The following RYR1 variants were observed in gnomAD, a reference collection of about 807,000 sequenced individuals.
RYR1 encodes the protein central core disease of muscle.
RYR1 carries 342 observed loss-of-function variants against 583.5 expected under a neutral mutation model. The observed-to-expected ratio is 0.59, with a 90% CI of 0.54 to 0.64. The LOEUF (loss-of-function observed/expected upper bound fraction) is 0.64, where lower values mean the gene tolerates loss of function less well. Among genes scored for constraint, RYR1 ranks in the 30% least tolerant of loss-of-function variants. The pLI, the probability that RYR1 is intolerant of heterozygous loss-of-function variation, is 0.00. For synonymous variants in RYR1, 2,791 were observed against 2,822.5 expected (o/e 0.99, Z 0.35); for missense variants, 6,032 against 6,917.2 (o/e 0.87, Z 4.54).
At chr19:38,536,097 C>T in intron 82 of RYR1, 27 bp downstream of exon 82, 1 of 1,590,898 alleles carries the variant, frequency 6.3e-7, no homozygotes, top group Non-Finnish European at 8.6e-7. Context: ...GGCTTCCCAC[C>T]CCCTGAGACA....
Position 38,575,943 on chromosome 19 carries a change from C to G in RYR1, c.14154C>G (p.Asp4718Glu). Residue 4718 changes from aspartate to glutamate, a missense_variant, in exon 97 of 106, where the codon GAC becomes GAG. Physicochemically the swap from Asp to Glu is conservative, Grantham distance 45. Around this residue, in one of 11 missense-constraint regions of RYR1, gnomAD observed 188 missense variants for 215.6 expected, o/e 0.87. Coordinates refer to ENST00000359596, the MANE Select transcript of RYR1 (RefSeq NM_000540.3). ...NTPSFPSNYW[D>E]KFVKRKVLDK... ...GGTCTTTCCCTAGCAACTACTGGGA[C>G]AAGTTTGTCAAGCGCAAGGTGAGAG... 1.2e-6 allele frequency: 2 copies of G among 1,614,214 alleles called. No individual in the cohort carries two copies. Among genetic ancestry groups the G allele is most frequent in the East Asian group, 4.5e-5 (2 of 44,892 alleles).
intron 56 of RYR1, 131 bp from the exon 57 acceptor site, chr19:38,506,698 C>A: frequency 6.7e-7 from 1 of 1,502,594 alleles, no homozygotes; most frequent in Non-Finnish European, 9.1e-7. Context: ...TGAGCACCAG[C>A]AAGCAATGTT....
At chr19:38,476,629 G>A (rs1033050672) in intron 29 of RYR1, among the ~76,000 whole-genome samples, 6 of 152,088 alleles carry the variant, frequency 3.9e-5, no homozygotes, top group Admixed American at 2.0e-4. Context: ...CACCGCGTTC[G>A]GCTGTAGATT....
rs1419853770 is a variant in RYR1 at position 38,455,543 on chromosome 19, T to A, written c.1669T>A (p.Ser557Thr). 1.2e-5 allele frequency: 20 copies of A among 1,613,920 alleles called. No individual in the cohort carries two copies. The highest frequency in any genetic ancestry group is 1.6e-5 in the Non-Finnish European group (19 of 1,179,996). The change falls in exon 15 of 106, where the codon TCT (serine) becomes ACT (threonine). Residue 557 changes from serine (S) to threonine (T), a missense_variant. Around this residue, in one of 11 missense-constraint regions of RYR1, gnomAD observed 2,627 missense variants for 2,961.3 expected, o/e 0.89. Transcript: ENST00000359596. ...VSKLDRLEAS[S>T]GILEVLYCVL... ...CAAGCTGGATCGGCTGGAGGCCTCG[T>A]CTGGTAGGAGAACCCGGGGGAGTGG... is the stretch of plus-strand genomic sequence containing the variant.
intron 82 of RYR1, 104 bp downstream of exon 82, chr19:38,536,174 C>T: frequency 1.9e-6 from 2 of 1,069,256 alleles, no homozygotes; most frequent in Non-Finnish European, 1.4e-6. Flanking sequence ...TCCTCCAAGA[C>T]ACTGGTTCCC....
Position 38,504,899 on chromosome 19 carries a change from T to C in RYR1, c.8219T>C (p.Val2740Ala). 6.2e-7 allele frequency: 1 copy of C among 1,614,088 alleles called. No homozygotes were observed. Among genetic ancestry groups the C allele is most frequent in the Non-Finnish European group, 8.5e-7 (1 of 1,179,996 alleles). The change falls in exon 51 of 106, where the codon GTG becomes GCG. Residue 2740 changes from valine to alanine, a missense_variant. By Grantham distance (64) the Val-to-Ala change is moderately conservative (BLOSUM62 0). Transcript: ENST00000359596. ...DAEGNFDPRP[V>A]ETLNVIIPEK... ...GAAGGCAACTTTGATCCCCGGCCTG[T>C]GGAGACCCTCAAGTGAGGCCTGGGG...
Position 38,446,571 on chromosome 19 carries a change from G to A in RYR1, c.725+6G>A, listed in dbSNP as rs201679831. ...GACAGTGATGACCAGCGCAGGTCTG[G>A]GCTGTGGACGAGAGGGCCTGGGGTC... is the stretch of plus-strand genomic sequence containing the variant. On this transcript the variant is annotated splice_donor_region_variant and intron_variant, in intron 8 of 105. Coordinates refer to ENST00000359596, the MANE Select transcript of RYR1 (RefSeq NM_000540.3). The A allele has an allele frequency of 9.4e-4, 1,512 of 1,613,214 alleles. 6 individuals are homozygous for A. Among genetic ancestry groups the A allele is most frequent in the Middle Eastern group, 4.8e-3 (29 of 6,058 alleles).
chr19:38,579,599 A>G (rs559407102), intron 99 of RYR1, among the ~76,000 whole-genome samples: 7 of 151,584 alleles, frequency 4.6e-5, no homozygotes, highest in Admixed American at 4.6e-4. Context: ...TCAAAAAAAA[A>G]AAAAAAAAAA....
intron 97 of RYR1, among the ~76,000 whole-genome samples, chr19:38,577,534 C>T (rs943695492): frequency 2.0e-4 from 31 of 152,006 alleles, no homozygotes; most frequent in African/African-American, 6.8e-4. Flanking sequence ...CGGTGGCTCA[C>T]GCCTGTAATC....
chr19:38,546,622 C>A, intron 88 of RYR1, 96 bp downstream of exon 88: 1 of 944,808 alleles, frequency 1.1e-6, no homozygotes, highest in Non-Finnish European at 1.7e-6. Flanking sequence ...ATCCTCAACC[C>A]CATCTGACAT....
chr19:38,437,880 C>A (rs1377381021), intron 1 of RYR1, among the ~76,000 whole-genome samples: 1 of 151,342 alleles, frequency 6.6e-6, no homozygotes, highest in Non-Finnish European at 1.5e-5. Context: ...CATAGCTTCT[C>A]AGGAGGCTGA....
chr19:38,490,000 G>A (rs923160755), intron 35 of RYR1, 76 bp from the exon 36 acceptor site: 3 of 1,479,650 alleles, frequency 2.0e-6, no homozygotes, highest in African/African-American at 2.8e-5. Context: ...AGAGGGGAGA[G>A]GAAGCAAGAG....
At chr19:38,484,952 C>T (rs1473372708) in intron 33 of RYR1, among the ~76,000 whole-genome samples, 1 of 152,112 alleles carries the variant, frequency 6.6e-6, no homozygotes, top group African/African-American at 2.4e-5. Context: ...GCCTGGGCAA[C>T]AGAGCAAGAC....
chr19:38,527,690 G>A lies in RYR1; in HGVS notation c.10730G>A (p.Arg3577Gln), dbSNP rs372914229. ...CTGCGCTGGCAGATGGCTCTGTACC[G>A]GGGCGTCCCGGGTCGCGAGGAGGAC... ...PSLRWQMALY[R>Q]GVPGREEDAD... Residue 3577 changes from arginine to glutamine, a missense_variant, in exon 73 of 106, where the codon CGG (arginine) becomes CAG (glutamine). Transcript: ENST00000359596. 7.2e-5 allele frequency: 117 copies of A among 1,613,958 alleles called. No individual in the cohort carries two copies. The highest frequency in any genetic ancestry group is 1.2e-4 in the South Asian group (11 of 91,078).
At chr19:38,438,613 A>G (rs1420480058) in intron 1 of RYR1, among the ~76,000 whole-genome samples, 1 of 95,418 alleles carries the variant, frequency 1.0e-5, no homozygotes, top group Non-Finnish European at 2.0e-5. Flanking sequence ...TGCCCAGGCT[A>G]GTCTTTTTTT....
rs1378979959 is a variant in RYR1 at position 38,499,669 on chromosome 19, G to A, written c.7062G>A (p.Val2354=). The A allele has an allele frequency of 3.1e-6, 5 of 1,599,444 alleles. No individual in the cohort carries two copies. The Admixed American group carries it at 5.0e-5, about 16-fold the overall frequency. ...TGGAGGAGAACGCCAATGTGGTGGTGCGGCTGCTCATCCGGAAGCCTGAGT... is the reference window on the plus strand; with the variant it reads ...TGGAGGAGAACGCCAATGTGGTGGTACGGCTGCTCATCCGGAAGCCTGAGT... The part of the protein sequence containing the change: ...ESVEENANVV[V]RLLIRKPECF... Residue 2354 remains valine (V), a synonymous_variant, in exon 44 of 106, where the codon GTG becomes GTA. Coordinates refer to ENST00000359596, the MANE Select transcript of RYR1 (RefSeq NM_000540.3). This position sits in a 1 kb window ranked among gnomAD's most constrained non-coding sequence, Gnocchi z 7.3.
At position 38,469,137 on chromosome 19, in the gene RYR1, G is replaced by T. The variant is rs766986317; in HGVS notation, c.3553G>T (p.Asp1185Tyr). 6.2e-7 allele frequency: 1 copy of T among 1,614,162 alleles called. No individual in the cohort carries two copies. The highest frequency in any genetic ancestry group is 8.5e-7 in the Non-Finnish European group (1 of 1,180,038). Residue 1185 changes from aspartate (D) to tyrosine (Y), a missense_variant, in exon 26 of 106, where the codon GAC becomes TAC. Asp to Tyr is a radical substitution (Grantham distance 160). Coordinates refer to ENST00000359596, the MANE Select transcript of RYR1 (RefSeq NM_000540.3). Reference sequence around the variant, plus strand: ...AGCCTTCCGGGAGATTGAGATTGGGGACGGTGAGGGCTGAGACCCCTTCAC... The same window carrying T: ...AGCCTTCCGGGAGATTGAGATTGGGTACGGTGAGGGCTGAGACCCCTTCAC... The part of the protein sequence containing the change: ...ETAFREIEIG[D>Y]GFLPVCSLGP...
At chr19:38,482,524 C>T (rs944456817) in intron 31 of RYR1, among the ~76,000 whole-genome samples, 3 of 152,068 alleles carry the variant, frequency 2.0e-5, no homozygotes, top group African/African-American at 7.2e-5. Flanking sequence ...AATCATGGCT[C>T]ACTGCAGCCT....
intron 23 of RYR1, 33 bp from the exon 24 acceptor site, chr19:38,466,058 G>A (rs773723278): frequency 6.3e-7 from 1 of 1,582,642 alleles, no homozygotes; most frequent in Admixed American, 1.8e-5. Flanking sequence ...GGAGGTGAGG[G>A]CCTTGTCCCA....
Sources: allele counts gnomAD v4.1 joint callset (sites outside exome capture counted in the v4.1 genomes callset), GRCh38; gene constraint gnomAD v4.1.1; regional missense constraint gnomAD v4.1.1; non-coding constraint Gnocchi (gnomAD v3.1); transcripts MANE v1.5; gene names NCBI Gene and HGNC (gene_info 2026-07-23, HGNC 2026-07-21).